The following DNAJC1 variants were observed in gnomAD, a reference collection of about 807,000 sequenced individuals.
DNAJC1 encodes dnaJ homolog subfamily C member 1.
DNAJC1 carries 58 observed loss-of-function variants against 76.6 expected under a neutral mutation model. The observed-to-expected ratio is 0.76, with a 90% confidence interval of 0.61 to 0.94. The LOEUF is 0.94. Among genes scored for constraint, DNAJC1 ranks in the 40% least tolerant of loss-of-function variants. The probability of loss-of-function intolerance (pLI) is 0.00; values close to 1 mark genes in which losing one functional copy is unlikely to be tolerated. For missense variants in DNAJC1, 689 were observed against 677.3 expected (o/e 1.02, Z -0.19); for synonymous variants, 258 against 267.9 (o/e 0.96, Z 0.36).
At chr10:21,990,875 T>C (rs893723815) in intron 1 of DNAJC1, among the ~76,000 whole-genome samples, 4 of 152,210 alleles carry the variant, frequency 2.6e-5, no homozygotes, top group African/African-American at 9.6e-5. Flanking sequence ...TCTACTTCTT[T>C]TTCTCAGCTA....
rs191198623 is a variant in DNAJC1 at position 21,835,636 on chromosome 10, C to T, written c.979-29537G>A. ...CAATGCAGTGAAGTCCTTAAAGGAC[C>T]TGATGGAGCTGAAAACCAACACACG... On this transcript the variant is annotated intron_variant, in intron 8 of 11. Coordinates refer to ENST00000376980, the MANE Select transcript of DNAJC1 (RefSeq NM_022365.4). 3.3e-5 allele frequency among the ~76,000 whole-genome samples: 5 copies of T among 152,236 alleles called. No individual in the cohort carries two copies. The East Asian group carries it at 7.7e-4, about 24-fold the overall frequency.
intron 9 of DNAJC1, among the ~76,000 whole-genome samples, chr10:21,770,571 G>T (rs1834362142): frequency 6.6e-6 from 1 of 151,790 alleles, no homozygotes; most frequent in East Asian, 1.9e-4. Flanking sequence ...CTAATTTTTT[G>T]TATTTTTAGT....
intron 8 of DNAJC1, among the ~76,000 whole-genome samples, chr10:21,874,084 T>A (rs1471996874): frequency 1.3e-5 from 2 of 152,072 alleles, no homozygotes; most frequent in African/African-American, 4.8e-5. Flanking sequence ...AACAAATAAA[T>A]AGTATGTGAC....
chr10:21,805,913 C>T, intron 9 of DNAJC1, 67 bp downstream of exon 9: 3 of 1,592,326 alleles, frequency 1.9e-6, no homozygotes, highest in Admixed American at 1.7e-5. Flanking sequence ...CCATCTATGT[C>T]TGCCTTCTAC....
At chr10:21,971,021 C>T (rs1429817371) in intron 1 of DNAJC1, among the ~76,000 whole-genome samples, 1 of 151,842 alleles carries the variant, frequency 6.6e-6, no homozygotes, top group South Asian at 2.1e-4. Context: ...CTAATTAATA[C>T]ATCAATCACC....
At chr10:21,869,540 C>A (rs1423688355) in intron 8 of DNAJC1, among the ~76,000 whole-genome samples, 1 of 152,088 alleles carries the variant, frequency 6.6e-6, no homozygotes, top group Non-Finnish European at 1.5e-5. Flanking sequence ...AGTTGTAACT[C>A]AACCACCTCG....
chr10:21,919,337 C>G (rs55771201), intron 5 of DNAJC1, among the ~76,000 whole-genome samples: 6 of 152,168 alleles, frequency 3.9e-5, no homozygotes, highest in African/African-American at 1.4e-4. Flanking sequence ...TGAAGCATTA[C>G]TCACTGATGT....
chr10:21,901,063 G>A (rs1836644821), intron 7 of DNAJC1, among the ~76,000 whole-genome samples: 1 of 152,138 alleles, frequency 6.6e-6, no homozygotes, highest in Non-Finnish European at 1.5e-5. Context: ...CCTACAGGGT[G>A]TGTCCCTGAG....
Position 21,904,526 on chromosome 10 carries a change from A to G in DNAJC1, c.816T>C (p.Leu272=). Residue 272 remains leucine (L), a synonymous_variant, in exon 7 of 12, where the codon CTT becomes CTC. Transcript: ENST00000376980. ...DALTRTELET[L]QKQKKVKKPK... ...ACACTAATGTTTAAAACTCACTTTG[A>G]AGTGTTTCAAGTTCAGTTCTAGTCA... The G allele has an allele frequency of 1.9e-6, 3 of 1,565,044 alleles. No homozygotes were observed. Among genetic ancestry groups the G allele is most frequent in the Non-Finnish European group, 2.6e-6 (3 of 1,155,902 alleles).
chr10:21,765,334 T>C (rs1444834765), intron 10 of DNAJC1, among the ~76,000 whole-genome samples: 2 of 152,140 alleles, frequency 1.3e-5, no homozygotes, highest in African/African-American at 2.4e-5. Context: ...TCTAGAGTAG[T>C]TGAAACTATA....
At chr10:21,889,321 C>T (rs1011331267) in intron 7 of DNAJC1, among the ~76,000 whole-genome samples, 1 of 152,080 alleles carries the variant, frequency 6.6e-6, no homozygotes, top group Non-Finnish European at 1.5e-5. Context: ...GACATTGCCC[C>T]CATGATCAAA....
intron 1 of DNAJC1, among the ~76,000 whole-genome samples, chr10:21,982,708 T>C (rs1479721514): frequency 1.4e-5 from 2 of 147,268 alleles, no homozygotes; most frequent in East Asian, 2.0e-4. Context: ...CCTATTAGGA[T>C]AGCTATCATA....
At chr10:21,981,954 C>G (rs184573567) in intron 1 of DNAJC1, among the ~76,000 whole-genome samples, 86 of 152,256 alleles carry the variant, frequency 5.6e-4, no homozygotes, top group South Asian at 8.3e-4. Context: ...TCCTCATTCC[C>G]CACCAACCCC....
chr10:21,930,793 G>A (rs1272320263), intron 1 of DNAJC1, among the ~76,000 whole-genome samples: 1 of 152,120 alleles, frequency 6.6e-6, no homozygotes, highest in Non-Finnish European at 1.5e-5. Flanking sequence ...AATCTGTGAT[G>A]AATCCTATTG....
intron 9 of DNAJC1, among the ~76,000 whole-genome samples, chr10:21,800,392 T>C (rs1426601648): frequency 6.6e-6 from 1 of 152,202 alleles, no homozygotes; most frequent in Non-Finnish European, 1.5e-5. Flanking sequence ...AAAACATTCA[T>C]ATTCTTGAAC....
At chr10:21,846,305 G>A (rs1246185083) in intron 8 of DNAJC1, among the ~76,000 whole-genome samples, 1 of 152,088 alleles carries the variant, frequency 6.6e-6, no homozygotes, top group Non-Finnish European at 1.5e-5. Context: ...GTAGATACCT[G>A]CTACTTTATT....
chr10:21,824,597 C>A (rs749279600), intron 8 of DNAJC1, among the ~76,000 whole-genome samples: 1 of 152,100 alleles, frequency 6.6e-6, no homozygotes, highest in Non-Finnish European at 1.5e-5. Context: ...GAGAGATGGA[C>A]GGTGATGGAA....
At chr10:21,804,445 T>C (rs994618619) in intron 9 of DNAJC1, among the ~76,000 whole-genome samples, 16 of 152,030 alleles carry the variant, frequency 1.1e-4, no homozygotes, top group African/African-American at 3.9e-4. Context: ...GCTATGTAAT[T>C]AGTAGGTCAT....
intron 1 of DNAJC1, among the ~76,000 whole-genome samples, chr10:21,944,185 T>A (rs1282587822): frequency 6.7e-6 from 1 of 148,554 alleles, no homozygotes; most frequent in Non-Finnish European, 1.5e-5. Flanking sequence ...TTTTTTTTCA[T>A]ATTATCCTCC....
Sources: allele counts gnomAD v4.1 joint callset (sites outside exome capture counted in the v4.1 genomes callset), GRCh38; gene constraint gnomAD v4.1.1; transcripts MANE v1.5; gene names NCBI Gene and HGNC (gene_info 2026-07-23, HGNC 2026-07-21).